EIF2S3: variants seen among roughly 807,000 people sequenced by gnomAD.
EIF2S3 encodes eukaryotic translation initiation factor 2 subunit 3.
In EIF2S3, 2 loss-of-function variants were observed where a neutral mutation model predicts 31.7. The ratio of observed to expected loss-of-function variants is 0.06; its 90% CI spans 0.03 to 0.20. The LOEUF (loss-of-function observed/expected upper bound fraction) is 0.20, where lower values mean the gene tolerates loss of function less well. Ranked by LOEUF, EIF2S3 falls within the 10% of genes least tolerant of loss-of-function variation. The probability of loss-of-function intolerance (pLI) is 1.00; values close to 1 mark genes in which losing one functional copy is unlikely to be tolerated. For missense variants in EIF2S3, 96 were observed against 359.3 expected (o/e 0.27, Z 5.92); for synonymous variants, 120 against 126.7 (o/e 0.95, Z 0.36).
rs1243373088 is a variant in EIF2S3 at position 24,077,906 on chromosome X, A to G, written c.*1121A>G. The G allele has an allele frequency of 8.9e-6, 1 of 112,257 alleles. No individual in the cohort carries two copies. The highest frequency in any genetic ancestry group is 1.9e-5 in the Non-Finnish European group (1 of 53,316). The allele number at this position is 112,257 out of a possible 1,213,427, so 9.3% of individuals were successfully genotyped here. ...AACTGTTATATTATGATTGTGACAT[A>G]GATTATACTACTACTAATTTTTGGA... On this transcript the variant is annotated 3_prime_UTR_variant, in exon 12 of 12. Coordinates refer to ENST00000253039, the MANE Select transcript of EIF2S3 (RefSeq NM_001415.4).
intron 8 of EIF2S3, among the ~76,000 whole-genome samples, chrX:24,067,209 A>G (rs752497108): frequency 9.0e-6 from 1 of 110,632 alleles, no homozygotes; most frequent in Non-Finnish European, 1.9e-5. Context: ...TCGCCCAGCT[A>G]ATTTTTTTGG....
intron 10 of EIF2S3, 48 bp from the exon 11 acceptor site, chrX:24,073,043 G>A: frequency 8.7e-7 from 1 of 1,144,767 alleles, no homozygotes; most frequent in Non-Finnish European, 1.2e-6. Context: ...CATTTGGAAA[G>A]CATTTTCTTG....
chrX:24,071,788 G>A, intron 10 of EIF2S3, 61 bp downstream of exon 10: 1 of 1,093,814 alleles, frequency 9.1e-7, no homozygotes, highest in Admixed American at 2.6e-5. Context: ...TGTTAAACCA[G>A]TGTTGAGTTT....
At chrX:24,070,138 T>G in intron 9 of EIF2S3, among the ~76,000 whole-genome samples, 1 of 104,662 alleles carries the variant, frequency 9.6e-6, no homozygotes, top group East Asian at 3.0e-4. Flanking sequence ...GAGGCCGAGG[T>G]GGACGGATCA....
rs1930605727 is a variant in EIF2S3, at chrX:24,068,052, T to C, written c.956T>C (p.Val319Ala). 8.3e-7 allele frequency: 1 copy of C among 1,205,806 alleles called. No homozygotes were observed. The highest frequency in any genetic ancestry group is 1.1e-6 in the Non-Finnish European group (1 of 891,448). Reference sequence around the variant, plus strand: ...TGTAAACCAATCTTTTCCAAAATTGTATCACTTTTTGCGGAGCATAATGAT... The same window carrying C: ...TGTAAACCAATCTTTTCCAAAATTGCATCACTTTTTGCGGAGCATAATGAT... The part of the protein sequence containing the change: ...LMCKPIFSKI[V>A]SLFAEHNDLQ... The change falls in exon 9 of 12, where the codon GTA becomes GCA. Residue 319 changes from valine (V) to alanine (A), a missense_variant. Coordinates refer to ENST00000253039, the MANE Select transcript of EIF2S3 (RefSeq NM_001415.4).
At chrX:24,057,865 G>A in intron 4 of EIF2S3, 111 bp downstream of exon 4, 1 of 896,639 alleles carries the variant, frequency 1.1e-6, no homozygotes, top group Non-Finnish European at 1.5e-6. Context: ...AAATGGTTTT[G>A]TTGTTTTTCC....
At chrX:24,072,121 C>T (rs1930680448) in intron 10 of EIF2S3, among the ~76,000 whole-genome samples, 1 of 110,347 alleles carries the variant, frequency 9.1e-6, no homozygotes, top group African/African-American at 3.3e-5. Context: ...TCAAGTGATC[C>T]GCCCGCCTTG....
At chrX:24,074,862 C>CCTTT (rs1930727533) in intron 11 of EIF2S3, among the ~76,000 whole-genome samples, 1 of 47,474 alleles carries the variant, frequency 2.1e-5, no homozygotes, top group Non-Finnish European at 3.5e-5. Context: ...TTTTCTTCTT[C>CCTTT]TTTTTTTTTT....
At chrX:24,056,629 C>G (rs1223316591) in intron 2 of EIF2S3, among the ~76,000 whole-genome samples, 2 of 111,416 alleles carry the variant, frequency 1.8e-5, no homozygotes, top group Non-Finnish European at 3.8e-5. Flanking sequence ...GAGGCCAAGG[C>G]AGGTGGATTG....
At chrX:24,066,537 T>TC (rs1291610159) in intron 8 of EIF2S3, among the ~76,000 whole-genome samples, 7 of 108,483 alleles carry the variant, frequency 6.5e-5, no homozygotes, top group Admixed American at 5.0e-4. Context: ...TTTTTTTTTT[T>TC]CTTGAGGCGG....
rs1930695511 is a variant in EIF2S3, at chrX:24,072,962, C to A, written c.1183-129C>A. On this transcript the variant is annotated intron_variant, in intron 10 of 11. Transcript: ENST00000253039. ...ACTATATATAGTTCAAATTCCTTTACAATGAAATTTCTATAGAATTTTTTT... is the reference window on the plus strand; with the variant it reads ...ACTATATATAGTTCAAATTCCTTTAAAATGAAATTTCTATAGAATTTTTTT... 3 of 754,258 alleles carry A rather than the reference C, an allele frequency of 4.0e-6. No homozygotes were observed. The African/African-American group carries it at 6.5e-5, about 16-fold the overall frequency. The allele number at this position is 754,258 out of a possible 1,213,427, so 62.2% of individuals were successfully genotyped here.
At chrX:24,058,752 C>T (rs934842303) in intron 4 of EIF2S3, among the ~76,000 whole-genome samples, 5 of 108,812 alleles carry the variant, frequency 4.6e-5, no homozygotes, top group Non-Finnish European at 9.5e-5. Flanking sequence ...CTTTCTGTGT[C>T]GCCAGACTGG....
chrX:24,056,672 A>G, intron 2 of EIF2S3, among the ~76,000 whole-genome samples: 1 of 111,229 alleles, frequency 9.0e-6, no homozygotes, highest in Non-Finnish European at 1.9e-5. Flanking sequence ...CACCTGGGCA[A>G]CGTGGCCAAA....
chrX:24,057,883 A>G, intron 4 of EIF2S3, 129 bp downstream of exon 4: 1 of 791,667 alleles, frequency 1.3e-6, no homozygotes, highest in Non-Finnish European at 1.7e-6. Flanking sequence ...TCCATTGTTT[A>G]TGTTTTTATG....
intron 2 of EIF2S3, among the ~76,000 whole-genome samples, chrX:24,057,126 G>A (rs1430899570): frequency 8.9e-6 from 1 of 112,590 alleles, no homozygotes. Context: ...CACCTCCTGG[G>A]TTCAAGTGAT....
At chrX:24,066,963 C>T (rs1043569245) in intron 8 of EIF2S3, among the ~76,000 whole-genome samples, 3 of 112,224 alleles carry the variant, frequency 2.7e-5, no homozygotes, top group Non-Finnish European at 5.6e-5. Context: ...TGTATACCCA[C>T]TAGTGAAACT....
In EIF2S3 at chrX:24,077,718, G is replaced by A. The variant is rs1002930205; in HGVS notation, c.*933G>A. ...TCCTGGCCTGAAACACGGGAAACCA[G>A]AGTCAAAAGTTATCTCCCTCTCCCT... On this transcript the variant is annotated 3_prime_UTR_variant, in exon 12 of 12. Coordinates refer to ENST00000253039, the MANE Select transcript of EIF2S3 (RefSeq NM_001415.4). 2.7e-5 allele frequency: 3 copies of A among 111,796 alleles called. No individual in the cohort carries two copies. The highest frequency in any genetic ancestry group is 9.6e-5 in the Admixed American group (1 of 10,385). The allele number at this position is 111,796 out of a possible 1,213,427, so 9.2% of individuals were successfully genotyped here.
At chrX:24,055,139 G>A in intron 1 of EIF2S3, 102 bp downstream of exon 1, 1 of 976,418 alleles carries the variant, frequency 1.0e-6, no homozygotes, top group Non-Finnish European at 1.4e-6. Flanking sequence ...CATGGGTCAG[G>A]AGCCTGGGTC....
At chrX:24,059,182 G>A (rs1930453078) in intron 4 of EIF2S3, among the ~76,000 whole-genome samples, 1 of 112,177 alleles carries the variant, frequency 8.9e-6, no homozygotes, top group Non-Finnish European at 1.9e-5. Flanking sequence ...TGTTGATTCT[G>A]TTCTTCTATT....
Sources: allele counts gnomAD v4.1 joint callset (sites outside exome capture counted in the v4.1 genomes callset), GRCh38; gene constraint gnomAD v4.1.1; transcripts MANE v1.5; gene names NCBI Gene and HGNC (gene_info 2026-07-23, HGNC 2026-07-21).